Variants in FAIM observed in about 807,000 individuals in gnomAD.
FAIM encodes Fas apoptotic inhibitory molecule, also known as fas apoptotic inhibitory molecule 1.
Under a neutral mutation model 21.2 loss-of-function variants are expected in FAIM, and 14 were observed. That is an observed-to-expected ratio of 0.66 (90% confidence interval 0.44 to 1.03). The LOEUF (loss-of-function observed/expected upper bound fraction) is 1.03, where lower values mean the gene tolerates loss of function less well. FAIM is among the 50% of genes least tolerant of loss of function. The probability of loss-of-function intolerance (pLI) is 0.00; values close to 1 mark genes in which losing one functional copy is unlikely to be tolerated. For missense variants in FAIM, 222 were observed against 247.1 expected (o/e 0.90, Z 0.68); for synonymous variants, 86 against 80.4 (o/e 1.07, Z -0.37).
chr3:138,617,249 A>G (rs1396509861), intron 1 of FAIM, among the ~76,000 whole-genome samples: 1 of 151,556 alleles, frequency 6.6e-6, no homozygotes, highest in Non-Finnish European at 1.5e-5. Flanking sequence ...TACCTACATT[A>G]CTGAACTTTC....
At chr3:138,616,129 G>A (rs546130897) in intron 1 of FAIM, among the ~76,000 whole-genome samples, 6 of 152,278 alleles carry the variant, frequency 3.9e-5, no homozygotes, top group Non-Finnish European at 2.9e-5. Context: ...TGATTTCCCC[G>A]TAATGAAGGA....
At chr3:138,617,655 A>AAT (rs202079330) in intron 1 of FAIM, among the ~76,000 whole-genome samples, 37 of 138,156 alleles carry the variant, frequency 2.7e-4, no homozygotes, top group South Asian at 2.4e-3. Context: ...CTATATATAT[A>AAT]ATATATATAT....
intron 4 of FAIM, among the ~76,000 whole-genome samples, chr3:138,626,644 A>G (rs2042941537): frequency 6.6e-6 from 1 of 152,234 alleles, no homozygotes; most frequent in African/African-American, 2.4e-5. Flanking sequence ...GCAATGCTGC[A>G]TGAATAGCTT....
At position 138,633,037 on chromosome 3, in the gene FAIM, T is replaced by C. The variant is rs776097159; in HGVS notation, c.564T>C (p.Thr188=). The C allele has an allele frequency of 8.6e-5, 138 of 1,613,722 alleles. 1 individual carries two copies. The Middle Eastern group carries it at 1.2e-3, about 13-fold the overall frequency. The part of the protein sequence containing the change: ...SGKRKEGIIH[T]LIVDNREIPE... ...AGCGGAAAGAAGGGATTATTCATAC[T>C]CTCATTGTGGATAATAGAGAAATCC... is the stretch of plus-strand genomic sequence containing the variant. The change falls in exon 6 of 6, where the codon ACT becomes ACC. Residue 188 remains threonine, a synonymous_variant. Transcript: ENST00000360570.
intron 5 of FAIM, chr3:138,630,154 T>C (rs2042989980): frequency 1.3e-5 from 2 of 152,074 alleles, no homozygotes; most frequent in African/African-American, 4.8e-5. Context: ...ATTTTGCATG[T>C]TGTAGTTGCT....
At chr3:138,618,711 GT>G (rs1560495254) in intron 1 of FAIM, among the ~76,000 whole-genome samples, 1 of 152,144 alleles carries the variant, frequency 6.6e-6, no homozygotes, top group African/African-American at 2.4e-5. Flanking sequence ...ACTTCTGGCT[GT>G]TTCCAGACAG....
intron 2 of FAIM, 149 bp downstream of exon 2, chr3:138,619,919 G>T (rs912782417): frequency 1.3e-6 from 1 of 754,894 alleles, no homozygotes; most frequent in Non-Finnish European, 2.1e-6. Flanking sequence ...TTTAAAGCAG[G>T]AGTAGTAAAT....
chr3:138,628,555 G>A (rs1308673528), intron 4 of FAIM, among the ~76,000 whole-genome samples: 2 of 151,702 alleles, frequency 1.3e-5, no homozygotes, highest in African/African-American at 4.8e-5. Flanking sequence ...TGCGGTCTCG[G>A]CTCACTGCAA....
At chr3:138,609,602 C>CTCTCGACTCTCTT (rs2042743556) in intron 1 of FAIM, among the ~76,000 whole-genome samples, 1 of 106,626 alleles carries the variant, frequency 9.4e-6, no homozygotes. Flanking sequence ...GACTCTCTCT[C>CTCTCGACTCTCTT]TCTCTCTCTC....
Position 138,633,041 on chromosome 3 carries a change from A to T in FAIM, c.568A>T (p.Ile190Phe), listed in dbSNP as rs1560502541. ...KRKEGIIHTL[I>F]VDNREIPEIA... is the part of the protein sequence containing the mutation. Reference sequence around the variant, plus strand: ...GAAAGAAGGGATTATTCATACTCTCATTGTGGATAATAGAGAAATCCCAGA... The same window carrying T: ...GAAAGAAGGGATTATTCATACTCTCTTTGTGGATAATAGAGAAATCCCAGA... The change falls in exon 6 of 6, where the codon ATT becomes TTT. Residue 190 changes from isoleucine (I) to phenylalanine (F), a missense_variant. By Grantham distance (21) the Ile-to-Phe change is conservative. Coordinates refer to ENST00000360570, the MANE Select transcript of FAIM (RefSeq NM_001033031.2). 2 of 1,613,662 alleles carry T rather than the reference A, an allele frequency of 1.2e-6. No homozygotes were observed. The highest frequency in any genetic ancestry group is 1.7e-6 in the Non-Finnish European group (2 of 1,179,750).
At chr3:138,621,334 C>T in intron 2 of FAIM, 73 bp from the exon 3 acceptor site, 1 of 1,469,434 alleles carries the variant, frequency 6.8e-7, no homozygotes, top group Non-Finnish European at 9.4e-7. Flanking sequence ...CTAATATTTT[C>T]ATCTTGGAAG....
rs1236592079 is a variant in FAIM at position 138,629,135 on chromosome 3, TG to T, written c.437del (p.Gly146ValfsTer11). ...EKDAMDVWCNGKKLETAGEFV... is the reference protein window; with the variant it reads ...EKDAMDVWCNXKKLETAGEFV... ...AAGATGCTATGGACGTATGGTGCAA[TG>T]GTAAAAAATTGGAGACAGCGGTAAG... On this transcript the variant is annotated frameshift_variant, in exon 5 of 6. Coordinates refer to ENST00000360570, the MANE Select transcript of FAIM (RefSeq NM_001033031.2). LOFTEE classifies it high-confidence loss of function. The T allele has an allele frequency of 6.2e-7, 1 of 1,612,112 alleles. No individual in the cohort carries two copies. Among genetic ancestry groups the T allele is most frequent in the South Asian group, 1.1e-5 (1 of 90,964 alleles).
chr3:138,628,050 A>G (rs1008357885), intron 4 of FAIM, among the ~76,000 whole-genome samples: 1 of 152,212 alleles, frequency 6.6e-6, no homozygotes, highest in Admixed American at 6.5e-5. Flanking sequence ...GCTACTCCTG[A>G]GGACACTAAC....
chr3:138,609,614 ACTCTCTCTCTCTCTCTCT>A (rs1211208979), intron 1 of FAIM, among the ~76,000 whole-genome samples: 1 of 25,418 alleles, frequency 3.9e-5, no homozygotes, highest in Non-Finnish European at 9.3e-5. Context: ...CTCTCTCTCG[ACTCTCTCTCTCTCTCTCT>A]CTCTCTCTCG....
intron 1 of FAIM, among the ~76,000 whole-genome samples, chr3:138,614,418 TGA>T (rs2042803796): frequency 1.3e-5 from 2 of 151,328 alleles, no homozygotes; most frequent in African/African-American, 4.9e-5. Flanking sequence ...CCAGCCTGGA[TGA>T]CTAGAGTGAG....
chr3:138,624,942 G>A (rs1450497539), intron 4 of FAIM, among the ~76,000 whole-genome samples: 1 of 152,142 alleles, frequency 6.6e-6, no homozygotes, highest in African/African-American at 2.4e-5. Context: ...GAAGTGGGAG[G>A]ATCGCTTGAG....
intron 1 of FAIM, among the ~76,000 whole-genome samples, chr3:138,610,169 C>G (rs1251655576): frequency 6.6e-6 from 1 of 152,128 alleles, no homozygotes; most frequent in Non-Finnish European, 1.5e-5. Flanking sequence ...AAACTGACTT[C>G]GGTTTATCTT....
intron 1 of FAIM, among the ~76,000 whole-genome samples, chr3:138,613,166 C>G (rs751420289): frequency 6.6e-6 from 1 of 151,956 alleles, no homozygotes; most frequent in Non-Finnish European, 1.5e-5. Context: ...TTACAGGTGC[C>G]TGCCACCACA....
intron 1 of FAIM, among the ~76,000 whole-genome samples, chr3:138,618,192 G>T (rs1434039763): frequency 6.6e-6 from 1 of 151,724 alleles, no homozygotes; most frequent in Non-Finnish European, 1.5e-5. Context: ...ATTGTTGTAG[G>T]ATACCCTCTG....
Sources: gnomAD v4.1 joint callset for allele counts (sites outside exome capture counted in the v4.1 genomes callset) on GRCh38, gnomAD v4.1.1 for gene constraint, MANE v1.5 for transcripts, NCBI Gene and HGNC (gene_info 2026-07-23, HGNC 2026-07-21) for gene names.